C3orf18: variants seen among roughly 807,000 people sequenced by gnomAD.
The protein encoded by C3orf18 is uncharacterized protein C3orf18.
A neutral mutation model predicts 14.1 loss-of-function variants in C3orf18; 12 were observed. The observed-to-expected ratio is 0.85, with a 90% confidence interval of 0.55 to 1.38. C3orf18 has a LOEUF of 1.38. C3orf18 is among the 40% of genes most tolerant of loss of function. C3orf18 has a pLI of 0.00. For missense variants in C3orf18, 196 were observed against 213.9 expected (o/e 0.92, Z 0.52); for synonymous variants, 82 against 87.9 (o/e 0.93, Z 0.38).
At chr3:50,563,390 A>C (rs747705865) in intron 3 of C3orf18, among the ~76,000 whole-genome samples, 16 of 151,642 alleles carry the variant, frequency 1.1e-4, no homozygotes, top group South Asian at 2.1e-4. Context: ...AGACCCTGGG[A>C]TTCAGAAGGA....
chr3:50,568,053 T>C (rs1357675833), upstream of C3orf18, among the ~76,000 whole-genome samples: 1 of 152,240 alleles, frequency 6.6e-6, no homozygotes, highest in Admixed American at 6.5e-5. Flanking sequence ...GGGAGAGCAC[T>C]GGACTGGGAG....
Position 50,565,672 on chromosome 3 carries a change from CCCTAGCAGATGCGGT to C in C3orf18, c.13_27del (p.Thr5_Arg9del). 6.2e-7 allele frequency: 1 copy of C among 1,612,266 alleles called. No homozygotes were observed. Among genetic ancestry groups the C allele is most frequent in the Non-Finnish European group, 8.5e-7 (1 of 1,179,940 alleles). ...GTGGGTGGGCGGCTGCTGAACCAGC[CCCTAGCAGATGCGGT>C]CCTGGAGTTCATGCTGATGCGGAGA... is the stretch of plus-strand genomic sequence containing the variant. On this transcript the variant is annotated inframe_deletion, in exon 3 of 6. Transcript: ENST00000357203. This position sits in a 1 kb window ranked among gnomAD's most constrained non-coding sequence, Gnocchi z 4.4.
chr3:50,560,289 C>T (rs1699885008), intron 5 of C3orf18, among the ~76,000 whole-genome samples: 1 of 152,162 alleles, frequency 6.6e-6, no homozygotes, highest in Non-Finnish European at 1.5e-5. Flanking sequence ...TGCTCTGGCC[C>T]TTGGGGATTT....
chr3:50,571,709 G>A, upstream of C3orf18: 16 of 1,614,160 alleles, frequency 9.9e-6, no homozygotes, highest in Non-Finnish European at 1.1e-5. Flanking sequence ...TGTGGGGACA[G>A]TTTCAGAGCC....
At chr3:50,567,342 G>A (rs1700376663) in intron 1 of C3orf18, 121 bp downstream of exon 1, 1 of 152,372 alleles carries the variant, frequency 6.6e-6, no homozygotes. Flanking sequence ...CGCGACCTTC[G>A]AGAACCCGCA....
chr3:50,562,269 C>T (rs1475805363), intron 3 of C3orf18: 7 of 299,764 alleles, frequency 2.3e-5, no homozygotes, highest in African/African-American at 8.6e-5. Context: ...AGGCTCCCTC[C>T]AGCCTGGGAG....
At chr3:50,568,427 A>G (rs535099992), upstream of C3orf18, among the ~76,000 whole-genome samples, 9 of 152,248 alleles carry the variant, frequency 5.9e-5, no homozygotes, top group Admixed American at 5.9e-4. Flanking sequence ...GGGAAACAGC[A>G]TGTTTAATAG....
At chr3:50,562,358 C>A (rs1174457710) in intron 3 of C3orf18, 3 of 400,596 alleles carry the variant, frequency 7.5e-6, no homozygotes, top group African/African-American at 4.1e-5. Context: ...GTAGCTCCAG[C>A]CACTCAGCAC....
rs1463422271 is a variant in C3orf18 at position 50,559,231 on chromosome 3, G to A, written c.*426C>T. ...GGTTTCCTCTCCCCACCCCAGAGGA[G>A]GCTCCAGATTCCAAAAAACAGGTCT... On this transcript the variant is annotated 3_prime_UTR_variant, in exon 6 of 6. Coordinates refer to ENST00000357203, the MANE Select transcript of C3orf18 (RefSeq NM_016210.5). The A allele has an allele frequency of 1.5e-5, 19 of 1,281,988 alleles. No individual in the cohort carries two copies. The highest frequency in any genetic ancestry group is 2.0e-6 in the Non-Finnish European group (2 of 986,182). 79.4% of individuals were successfully genotyped at this position (1,281,988 alleles called of 1,614,324 possible).
In C3orf18 at chr3:50,565,946, G is replaced by C. The variant is rs1700266097; in HGVS notation, c.-163+60C>G. On this transcript the variant is annotated intron_variant, in intron 2 of 5. Transcript: ENST00000357203. This position sits in a 1 kb window ranked among gnomAD's most constrained non-coding sequence, Gnocchi z 4.4. ...GTCTCTCTAGGTTCTGAAAGCACTG[G>C]GGAGGTAAAGGTTTGAGGGCAAGAA... 1 of 536,942 alleles carries C rather than the reference G, an allele frequency of 1.9e-6. No individual in the cohort carries two copies. Among genetic ancestry groups the C allele is most frequent in the South Asian group, 2.3e-5 (1 of 43,806 alleles). 33.3% of individuals were successfully genotyped at this position (536,942 alleles called of 1,614,324 possible). A position where few individuals can be genotyped will look rare whatever the true frequency, so the allele number is the denominator to read the frequency against.
At position 50,565,690 on chromosome 3, in the gene C3orf18, T is replaced by C; in HGVS notation, c.10A>G (p.Arg4Gly). The C allele has an allele frequency of 1.2e-6, 2 of 1,609,940 alleles. No individual in the cohort carries two copies. The highest frequency in any genetic ancestry group is 1.7e-6 in the Non-Finnish European group (2 of 1,179,568). Residue 4 changes from arginine (R) to glycine (G), a missense_variant, in exon 3 of 6, where the codon AGG becomes GGG. Arg to Gly is a moderately radical substitution (Grantham distance 125, BLOSUM62 -2). Coordinates refer to ENST00000357203, the MANE Select transcript of C3orf18 (RefSeq NM_016210.5). The surrounding 1 kb of genome is among the most constrained non-coding windows in gnomAD (Gnocchi z 4.4). Reference protein sequence around the residue: MNSRTASARGWFSS... With the variant: MNSGTASARGWFSS... ...AACCAGCCCCTAGCAGATGCGGTCCTGGAGTTCATGCTGATGCGGAGAGGG... is the reference window on the plus strand; with the variant it reads ...AACCAGCCCCTAGCAGATGCGGTCCCGGAGTTCATGCTGATGCGGAGAGGG...
upstream of C3orf18, chr3:50,569,745 C>A (rs939879995): frequency 3.9e-5 from 6 of 152,348 alleles, no homozygotes; most frequent in Admixed American, 2.6e-4. Flanking sequence ...ACACTTCTGA[C>A]TTCGGGCCTT....
At chr3:50,573,920 C>A (rs1381587264), upstream of C3orf18, among the ~76,000 whole-genome samples, 3 of 152,208 alleles carry the variant, frequency 2.0e-5, no homozygotes, top group South Asian at 2.1e-4. Flanking sequence ...TCTCACCCAG[C>A]CTGCTGTGAG....
At chr3:50,572,335 T>TGTA, upstream of C3orf18, 1 of 911,436 alleles carries the variant, frequency 1.1e-6, no homozygotes, top group Admixed American at 2.3e-5. Context: ...TTTCTAGACA[T>TGTA]GTATTTCCTC....
intron 1 of C3orf18, among the ~76,000 whole-genome samples, chr3:50,567,149 G>A (rs891548323): frequency 6.6e-6 from 1 of 152,172 alleles, no homozygotes; most frequent in Non-Finnish European, 1.5e-5. Context: ...GGAAGTCCCG[G>A]GTTCTTTTCT....
rs1473648995 is a variant in C3orf18, at chr3:50,559,082, A to G, written c.*575T>C. 1 of 1,289,648 alleles carries G rather than the reference A, an allele frequency of 7.8e-7. No homozygotes were observed. The highest frequency in any genetic ancestry group is 5.5e-5 in the East Asian group (1 of 18,026). 79.9% of individuals were successfully genotyped at this position (1,289,648 alleles called of 1,614,324 possible). A position where few individuals can be genotyped will look rare whatever the true frequency, so the allele number is the denominator to read the frequency against. ...ACCTCCTGGACCCTCCGTAGTATGGATGGACCCTGGGTGTGAATTGCCCTT... is the reference window on the plus strand; with the variant it reads ...ACCTCCTGGACCCTCCGTAGTATGGGTGGACCCTGGGTGTGAATTGCCCTT... On this transcript the variant is annotated 3_prime_UTR_variant, in exon 6 of 6. Transcript: ENST00000357203.
upstream of C3orf18, among the ~76,000 whole-genome samples, chr3:50,573,801 G>A (rs1020056528): frequency 1.3e-5 from 2 of 152,238 alleles, no homozygotes; most frequent in Non-Finnish European, 2.9e-5. Context: ...CAAACTTGCA[G>A]GAGGCATGTG....
rs529051315 is a variant in C3orf18, at chr3:50,559,292, C to T, written c.*365G>A. The T allele has an allele frequency of 6.3e-4, 788 of 1,247,024 alleles. 21 individuals are homozygous for T. In the South Asian group the frequency reaches 0.011, roughly 18 times the overall value. The allele number at this position is 1,247,024 out of a possible 1,614,324, so 77.2% of individuals were successfully genotyped here. ...GAGGGAAACCTCCCCTTTCCTCCCCCAATCCCTCCCACTCCGTATCTCCCT... is the reference window on the plus strand; with the variant it reads ...GAGGGAAACCTCCCCTTTCCTCCCCTAATCCCTCCCACTCCGTATCTCCCT... On this transcript the variant is annotated 3_prime_UTR_variant, in exon 6 of 6. Coordinates refer to ENST00000357203, the MANE Select transcript of C3orf18 (RefSeq NM_016210.5).
Position 50,563,252 on chromosome 3 carries a change from G to C in C3orf18, c.235-1505C>G, listed in dbSNP as rs189842804. ...TGCTCCCTTGCTCTCCTGTGGGTAGGCTGTGACAGGAACTCTGGGGTCTTC... is the reference window on the plus strand; with the variant it reads ...TGCTCCCTTGCTCTCCTGTGGGTAGCCTGTGACAGGAACTCTGGGGTCTTC... On this transcript the variant is annotated intron_variant, in intron 3 of 5. Transcript: ENST00000357203. Among the ~76,000 whole-genome samples the C allele has an allele frequency of 1.3e-4, 20 of 152,160 alleles. No homozygotes were observed. In the East Asian group the frequency reaches 3.9e-3, roughly 29 times the overall value.
Sources: gnomAD v4.1 joint callset for allele counts (sites outside exome capture counted in the v4.1 genomes callset) on GRCh38, gnomAD v4.1.1 for gene constraint, Gnocchi (gnomAD v3.1) non-coding constraint, MANE v1.5 for transcripts, NCBI Gene and HGNC (gene_info 2026-07-23, HGNC 2026-07-21) for gene names.